Variants in LRRC4C observed in about 807,000 individuals in gnomAD.
LRRC4C encodes the protein leucine-rich repeat-containing protein 4C.
In LRRC4C, 5 loss-of-function variants were observed where a neutral mutation model predicts 33.6. The observed-to-expected ratio is 0.15, with a 90% CI of 0.08 to 0.31. The LOEUF is 0.31. Ranked by LOEUF, LRRC4C falls within the 10% of genes least tolerant of loss-of-function variation. The pLI, the probability that LRRC4C is intolerant of heterozygous loss-of-function variation, is 1.00. For missense variants in LRRC4C, 560 were observed against 796.7 expected, an observed-to-expected ratio of 0.70 and a Z score of 3.58; for synonymous variants, 329 against 302.0, an observed-to-expected ratio of 1.09 and a Z score of -0.93.
intron 3 of LRRC4C, among the ~76,000 whole-genome samples, chr11:40,494,911 G>A (rs550614175): frequency 2.0e-5 from 3 of 152,248 alleles, no homozygotes; most frequent in South Asian, 4.1e-4. Flanking sequence ...TTATCTAAAT[G>A]TTGTTAGGTT....
At chr11:40,414,018 A>G (rs939303026) in intron 3 of LRRC4C, among the ~76,000 whole-genome samples, 6 of 152,060 alleles carry the variant, frequency 3.9e-5, no homozygotes, top group African/African-American at 1.2e-4. Flanking sequence ...CTATTGTATA[A>G]ATACTAGATC....
intron 4 of LRRC4C, among the ~76,000 whole-genome samples, chr11:40,277,022 G>A (rs1565219363): frequency 1.3e-5 from 2 of 152,104 alleles, no homozygotes; most frequent in Admixed American, 6.6e-5. Context: ...AAAAGGTAAA[G>A]AGTGTTAAGA....
intron 1 of LRRC4C, among the ~76,000 whole-genome samples, chr11:41,388,771 G>A (rs1953463395): frequency 6.6e-6 from 1 of 151,830 alleles, no homozygotes; most frequent in Non-Finnish European, 1.5e-5. Context: ...CAAAAGACAG[G>A]AAGAGGGTTC....
intron 1 of LRRC4C, among the ~76,000 whole-genome samples, chr11:41,313,113 G>A (rs572301727): frequency 2.5e-4 from 38 of 152,298 alleles, no homozygotes; most frequent in African/African-American, 9.1e-4. Flanking sequence ...TGATACATAC[G>A]CCTCTTATCC....
At chr11:41,064,003 A>G (rs1938009271) in intron 1 of LRRC4C, among the ~76,000 whole-genome samples, 2 of 152,190 alleles carry the variant, frequency 1.3e-5, no homozygotes. Context: ...GACAGCAAAG[A>G]TGACAAGATC....
intron 2 of LRRC4C, among the ~76,000 whole-genome samples, chr11:40,679,455 T>C (rs11036014): frequency 0.17 from 25,539 of 152,112 alleles, 2,244 homozygotes; most frequent in African/African-American, 0.21. Flanking sequence ...CAGAGACCTT[T>C]GCAGCAGCCC....
chr11:40,220,983 C>A (rs954142234), intron 5 of LRRC4C, among the ~76,000 whole-genome samples: 5 of 151,622 alleles, frequency 3.3e-5, no homozygotes, highest in African/African-American at 7.3e-5. Context: ...TCAAGCGATT[C>A]TCCTGCCTCA....
intron 2 of LRRC4C, among the ~76,000 whole-genome samples, chr11:40,687,496 A>C (rs188940676): frequency 2.6e-5 from 4 of 152,206 alleles, no homozygotes; most frequent in African/African-American, 9.6e-5. Context: ...TCTGATATTC[A>C]GCGCAGTAAT....
At chr11:41,442,377 A>T (rs992238938) in intron 1 of LRRC4C, among the ~76,000 whole-genome samples, 11 of 151,908 alleles carry the variant, frequency 7.2e-5, no homozygotes, top group African/African-American at 2.7e-4. Flanking sequence ...ATATGAAAAA[A>T]TAATGGCAAA....
chr11:40,420,998 A>G (rs1475193053), intron 3 of LRRC4C, among the ~76,000 whole-genome samples: 2 of 152,182 alleles, frequency 1.3e-5, no homozygotes, highest in African/African-American at 4.8e-5. Context: ...TGCATTTGCC[A>G]TTTAGTTCTC....
chr11:41,401,299 C>T (rs957647353), intron 1 of LRRC4C, among the ~76,000 whole-genome samples: 12 of 151,822 alleles, frequency 7.9e-5, no homozygotes, highest in African/African-American at 2.9e-4. Flanking sequence ...GCTCATTAGT[C>T]AAAAATAGCT....
intron 2 of LRRC4C, among the ~76,000 whole-genome samples, chr11:40,852,233 T>C (rs61886575): frequency 0.039 from 5,991 of 152,108 alleles, 243 homozygotes; most frequent in African/African-American, 0.1. Context: ...AAATATCACA[T>C]ACCCTGAGGA....
chr11:40,552,529 A>T (rs757074902), intron 3 of LRRC4C, among the ~76,000 whole-genome samples: 1 of 152,186 alleles, frequency 6.6e-6, no homozygotes, highest in African/African-American at 2.4e-5. Flanking sequence ...ACCCTACTCA[A>T]TGATGAGGTC....
intron 3 of LRRC4C, among the ~76,000 whole-genome samples, chr11:40,457,724 C>T (rs1952203472): frequency 6.6e-6 from 1 of 152,130 alleles, no homozygotes; most frequent in Admixed American, 6.6e-5. Flanking sequence ...CTCCACTTTC[C>T]TAGCTTGGAC....
rs548923872 is a variant in LRRC4C at position 41,411,797 on chromosome 11, C to T, written c.-496+47634G>A. Among the ~76,000 whole-genome samples the T allele has an allele frequency of 4.6e-5, 7 of 152,206 alleles. No individual in the cohort carries two copies. The South Asian group carries it at 1.0e-3, about 23-fold the overall frequency. On this transcript the variant is annotated intron_variant, in intron 1 of 6. Coordinates refer to ENST00000528697, the MANE Select transcript of LRRC4C (RefSeq NM_001258419.2). ...TTTCCTCCCACATCCCAAAGAGATGCGTGTTAGGTAAATTTGTGGGTCTAA... is the reference window on the plus strand; with the variant it reads ...TTTCCTCCCACATCCCAAAGAGATGTGTGTTAGGTAAATTTGTGGGTCTAA...
chr11:40,760,009 C>G (rs992249186), intron 2 of LRRC4C, among the ~76,000 whole-genome samples: 9 of 151,218 alleles, frequency 6.0e-5, no homozygotes, highest in African/African-American at 2.2e-4. Flanking sequence ...TTGACCAATC[C>G]CTGGCATTCA....
At chr11:41,215,093 ACTTT>A (rs1228086086) in intron 1 of LRRC4C, among the ~76,000 whole-genome samples, 1 of 150,256 alleles carries the variant, frequency 6.7e-6, no homozygotes, top group Non-Finnish European at 1.5e-5. Context: ...AAAAAATCAC[ACTTT>A]CTAAGTGTAA....
At chr11:40,412,774 G>A (rs1398582917) in intron 3 of LRRC4C, among the ~76,000 whole-genome samples, 1 of 151,998 alleles carries the variant, frequency 6.6e-6, no homozygotes, top group Non-Finnish European at 1.5e-5. Context: ...TTGTGATTCT[G>A]GGGCAGTCCC....
At chr11:41,269,974 T>G (rs962810008) in intron 1 of LRRC4C, among the ~76,000 whole-genome samples, 1 of 152,134 alleles carries the variant, frequency 6.6e-6, no homozygotes, top group Non-Finnish European at 1.5e-5. Context: ...GATAAATATA[T>G]AAACCTGTTT....
Sources: allele counts gnomAD v4.1 joint callset (sites outside exome capture counted in the v4.1 genomes callset), GRCh38; gene constraint gnomAD v4.1.1; transcripts MANE v1.5; gene names NCBI Gene and HGNC (gene_info 2026-07-23, HGNC 2026-07-21).